WDR7: variants seen among roughly 807,000 people sequenced by gnomAD.
WDR7 encodes the protein WD repeat-containing protein 7.
Under a neutral mutation model 169.4 loss-of-function variants are expected in WDR7, and 46 were observed. The observed-to-expected ratio is 0.27, with a 90% CI of 0.21 to 0.35. The LOEUF is 0.35. WDR7 is among the 10% of genes least tolerant of loss of function. The probability of loss-of-function intolerance (pLI) is 1.00; values close to 1 mark genes in which losing one functional copy is unlikely to be tolerated. For synonymous variants in WDR7, 612 were observed against 666.8 expected, an observed-to-expected ratio of 0.92 and a Z score of 1.27; for missense variants, 1,534 against 1,859.3, an observed-to-expected ratio of 0.83 and a Z score of 3.22.
chr18:56,953,894 G>A (rs928901890), intron 25 of WDR7, among the ~76,000 whole-genome samples: 7 of 152,118 alleles, frequency 4.6e-5, no homozygotes, highest in African/African-American at 7.2e-5. Flanking sequence ...ATTGTGAATC[G>A]CTGACTAATG....
intron 20 of WDR7, among the ~76,000 whole-genome samples, chr18:56,845,361 G>A (rs2045552799): frequency 6.6e-6 from 1 of 151,714 alleles, no homozygotes. Flanking sequence ...TATTTTTTAG[G>A]AAATAATAAG....
At chr18:56,986,128 TTGTGTGTGTGTGTGTGTG>T (rs60449836) in intron 26 of WDR7, among the ~76,000 whole-genome samples, 153 of 136,336 alleles carry the variant, frequency 1.1e-3, no homozygotes, top group Admixed American at 3.4e-3. Flanking sequence ...TTCAGCTTCT[TTGTGTGTGTGTGTGTGTG>T]TGTGTGTGTG....
intron 19 of WDR7, among the ~76,000 whole-genome samples, chr18:56,785,847 A>T (rs1029800747): frequency 1.3e-3 from 166 of 126,354 alleles, no homozygotes; most frequent in African/African-American, 5.0e-3. Context: ...TTTTTTTTTT[A>T]AAGAGACAGG....
At chr18:56,891,545 A>ATCTTTAAAATCTTTAAAATAGC (rs2046263952) in intron 21 of WDR7, among the ~76,000 whole-genome samples, 1 of 93,290 alleles carries the variant, frequency 1.1e-5, no homozygotes, top group Non-Finnish European at 2.3e-5. Context: ...GCTCTTTAAA[A>ATCTTTAAAATCTTTAAAATAGC]TCTGTATATA....
rs373535053 is a variant in WDR7, at chr18:56,756,650, C to T, written c.2057C>T (p.Pro686Leu). Residue 686 changes from proline (P) to leucine (L), a missense_variant, in exon 15 of 28, where the codon CCG (proline) becomes CTG (leucine). Transcript: ENST00000254442. Reference sequence around the variant, plus strand: ...GCAATAAAGACAAACCTAACAGACCCGGACATACATGTGCTATTCTTTGAT... The same window carrying T: ...GCAATAAAGACAAACCTAACAGACCTGGACATACATGTGCTATTCTTTGAT... ...VQAIKTNLTD[P>L]DIHVLFFDVE... 11 of 1,614,022 alleles carry T rather than the reference C, an allele frequency of 6.8e-6. No individual in the cohort carries two copies. Among genetic ancestry groups the T allele is most frequent in the East Asian group, 4.5e-5 (2 of 44,868 alleles).
chr18:56,974,321 CTTTCCTTTTCCT>C (rs775081880), intron 26 of WDR7, among the ~76,000 whole-genome samples: 2 of 150,226 alleles, frequency 1.3e-5, no homozygotes, highest in South Asian at 2.1e-4. Flanking sequence ...TTCCCTTTTC[CTTTCCTTTTCCT>C]TTTCCTTTTC....
chr18:56,790,622 A>G (rs1195815156), intron 19 of WDR7, among the ~76,000 whole-genome samples: 1 of 152,072 alleles, frequency 6.6e-6, no homozygotes, highest in Non-Finnish European at 1.5e-5. Flanking sequence ...ATCTTGCTTA[A>G]TCCATTCTTT....
chr18:56,709,214 T>A (rs902315591), intron 12 of WDR7, among the ~76,000 whole-genome samples: 1 of 152,210 alleles, frequency 6.6e-6, no homozygotes, highest in Non-Finnish European at 1.5e-5. Flanking sequence ...ATGTGAGTGA[T>A]ACTGATGATT....
chr18:57,000,798 T>G (rs1449373546), intron 26 of WDR7, among the ~76,000 whole-genome samples: 1 of 152,238 alleles, frequency 6.6e-6, no homozygotes, highest in Non-Finnish European at 1.5e-5. Context: ...TAGCTCTTAA[T>G]AAATTTCTGG....
chr18:56,833,961 C>T (rs566450410), intron 20 of WDR7, among the ~76,000 whole-genome samples: 1 of 152,194 alleles, frequency 6.6e-6, no homozygotes, highest in Admixed American at 6.5e-5. Context: ...GTCCTCTGCT[C>T]TAGGACACAA....
chr18:56,793,913 C>A (rs1465811966), intron 19 of WDR7, among the ~76,000 whole-genome samples: 4 of 152,114 alleles, frequency 2.6e-5, no homozygotes, highest in Non-Finnish European at 2.9e-5. Context: ...AAACAGGGAC[C>A]ATTTCAGAGA....
At position 56,949,647 on chromosome 18, in the gene WDR7, G is replaced by A. The variant is rs575605222; in HGVS notation, c.4064+10254G>A. On this transcript the variant is annotated intron_variant, in intron 25 of 27. Coordinates refer to ENST00000254442, the MANE Select transcript of WDR7 (RefSeq NM_015285.3). ...GGCACTACACCAAAACTCAACATGTGATTGTTTTTTAAAGGTTAGTTGCAG... is the reference window on the plus strand; with the variant it reads ...GGCACTACACCAAAACTCAACATGTAATTGTTTTTTAAAGGTTAGTTGCAG... Among the ~76,000 whole-genome samples the A allele has an allele frequency of 1.2e-4, 18 of 152,310 alleles. 1 individual carries two copies. In the South Asian group the frequency reaches 3.3e-3, roughly 28 times the overall value.
chr18:56,686,179 G>A, intron 6 of WDR7, 147 bp downstream of exon 6: 1 of 603,710 alleles, frequency 1.7e-6, no homozygotes, highest in Non-Finnish European at 2.7e-6. Flanking sequence ...TAGTATGGAA[G>A]ATTCTCTAGT....
intron 21 of WDR7, among the ~76,000 whole-genome samples, chr18:56,898,511 T>C (rs1449010215): frequency 3.9e-5 from 6 of 152,050 alleles, no homozygotes; most frequent in Non-Finnish European, 8.8e-5. Flanking sequence ...TGATGAAGGG[T>C]AGCGTTGTCA....
chr18:56,859,482 G>T (rs1269853948), intron 20 of WDR7, among the ~76,000 whole-genome samples: 2 of 151,966 alleles, frequency 1.3e-5, no homozygotes, highest in African/African-American at 4.8e-5. Flanking sequence ...ATTGTTTTCT[G>T]CCTTATTTTC....
At chr18:56,998,124 A>G (rs1452727118) in intron 26 of WDR7, among the ~76,000 whole-genome samples, 1 of 152,128 alleles carries the variant, frequency 6.6e-6, no homozygotes, top group African/African-American at 2.4e-5. Context: ...CTGGGAGGAG[A>G]GTGCTGAGGT....
chr18:56,679,173 C>T (rs575810892), intron 2 of WDR7, among the ~76,000 whole-genome samples, 159 bp from the exon 3 acceptor site: 7 of 152,316 alleles, frequency 4.6e-5, no homozygotes, highest in African/African-American at 1.7e-4. Flanking sequence ...TAGAAGTTCT[C>T]CCAGGCGGCT....
At chr18:57,006,044 G>A (rs914369437) in intron 26 of WDR7, among the ~76,000 whole-genome samples, 7 of 152,282 alleles carry the variant, frequency 4.6e-5, no homozygotes, top group Non-Finnish European at 7.4e-5. Context: ...TACTCCTAAA[G>A]GAAAATATTA....
chr18:56,827,907 G>A (rs2045237379), intron 20 of WDR7, among the ~76,000 whole-genome samples: 1 of 152,122 alleles, frequency 6.6e-6, no homozygotes, highest in African/African-American at 2.4e-5. Flanking sequence ...AGGATTAAAT[G>A]AGATGATGCA....
Sources: gnomAD v4.1 joint callset for allele counts (sites outside exome capture counted in the v4.1 genomes callset) on GRCh38, gnomAD v4.1.1 for gene constraint, MANE v1.5 for transcripts, NCBI Gene and HGNC (gene_info 2026-07-23, HGNC 2026-07-21) for gene names.